Variants in CACNA1A observed in about 807,000 individuals in gnomAD.
The protein encoded by CACNA1A is voltage-dependent P/Q-type calcium channel subunit alpha-1A.
CACNA1A carries 57 observed loss-of-function variants against 262.4 expected under a neutral mutation model. That is an observed-to-expected ratio of 0.22 (90% CI 0.18 to 0.27). The LOEUF is 0.27. Among genes scored for constraint, CACNA1A ranks in the 10% least tolerant of loss-of-function variants. CACNA1A has a pLI of 1.00. For synonymous variants in CACNA1A, 1,431 were observed against 1,419.3 expected, an observed-to-expected ratio of 1.01 and a Z score of -0.18; for missense variants, 2,526 against 3,562.8, an observed-to-expected ratio of 0.71 and a Z score of 7.41.
At chr19:13,472,731 TG>T (rs950134483) in intron 1 of CACNA1A, among the ~76,000 whole-genome samples, 2 of 152,216 alleles carry the variant, frequency 1.3e-5, no homozygotes, top group African/African-American at 4.8e-5. Context: ...GCAAAGGGCC[TG>T]TAGTAGGTTA....
In CACNA1A at chr19:13,433,460, C is replaced by CAAAA. The variant is rs533297364; in HGVS notation, c.539+19412_539+19415dup. On this transcript the variant is annotated intron_variant, in intron 3 of 46. Coordinates refer to ENST00000360228, the MANE Select transcript of CACNA1A (RefSeq NM_001127222.2). ...TCGGCAACAAAGCAAGACGCTGTCT[C>CAAAA]AAAAAAAAAAAAAAAAAAAAAAAGT... Among the ~76,000 whole-genome samples, 66 of 76,204 alleles carry CAAAA rather than the reference C, an allele frequency of 8.7e-4. 4 individuals carry two copies. The highest frequency in any genetic ancestry group is 8.0e-3 in the East Asian group (18 of 2,248). 50.0% of individuals were successfully genotyped at this position (76,204 alleles called of 152,430 possible). A position where few individuals can be genotyped will look rare whatever the true frequency, so the allele number is the denominator to read the frequency against.
At position 13,262,737 on chromosome 19, in the gene CACNA1A, G is replaced by T; in HGVS notation, c.4086C>A (p.Leu1362=). 6.2e-7 allele frequency: 1 copy of T among 1,602,936 alleles called. No homozygotes were observed. Among genetic ancestry groups the T allele is most frequent in the Non-Finnish European group, 8.5e-7 (1 of 1,170,626 alleles). The change falls in exon 25 of 47, where the codon CTC becomes CTA. Residue 1362 remains leucine, a synonymous_variant. Transcript: ENST00000360228. ...CCCCACCATCTCCCAATCTCACCTT[G>T]AGCTTTGGCAGCCGCTTGATGGTTT... ...PLKTIKRLPK[L]KAVFDCVVNS... is the part of the protein sequence containing the mutation.
chr19:13,491,876 C>T (rs1245468532), intron 1 of CACNA1A, among the ~76,000 whole-genome samples: 1 of 152,136 alleles, frequency 6.6e-6, no homozygotes, highest in Non-Finnish European at 1.5e-5. Flanking sequence ...CAGAGGTACA[C>T]AGAGGCGCAC....
chr19:13,505,847 C>T lies in CACNA1A; in HGVS notation c.293+85G>A, dbSNP rs1568719468. 3 of 1,413,252 alleles carry T rather than the reference C, an allele frequency of 2.1e-6. No homozygotes were observed. The South Asian group carries it at 3.7e-5, about 18-fold the overall frequency. The allele number at this position is 1,413,252 out of a possible 1,614,324, so 87.5% of individuals were successfully genotyped here. On this transcript the variant is annotated intron_variant, in intron 1 of 46. Coordinates refer to ENST00000360228, the MANE Select transcript of CACNA1A (RefSeq NM_001127222.2). ...CTCCTCCCCACCTCCCATCAACCCCCGGGTCTCTCTCCCAGCCTGGAAGAG... is the reference window on the plus strand; with the variant it reads ...CTCCTCCCCACCTCCCATCAACCCCTGGGTCTCTCTCCCAGCCTGGAAGAG...
intron 10 of CACNA1A, among the ~76,000 whole-genome samples, chr19:13,318,339 T>C (rs550888044): frequency 6.6e-6 from 1 of 152,072 alleles, no homozygotes; most frequent in African/African-American, 2.4e-5. Context: ...AGGAAGTCAG[T>C]GTGGCTGGAG....
In CACNA1A at chr19:13,212,384, C is replaced by T. The variant is rs2054846596; in HGVS notation, c.6189G>A (p.Gln2063=). ...TTGGGGAGTTGGGGGACAGAGGCACCTGAGAGTTAGGCTGGCTGTTGGGCA... is the reference window on the plus strand; with the variant it reads ...TTGGGGAGTTGGGGGACAGAGGCACTTGAGAGTTAGGCTGGCTGTTGGGCA... The part of the protein sequence containing the change: ...TDMPNSQPNS[Q]SVEMREMGRD... The change falls in exon 42 of 47, where the codon CAG becomes CAA. Residue 2063 remains glutamine (Q), a splice_region_variant and synonymous_variant. Coordinates refer to ENST00000360228, the MANE Select transcript of CACNA1A (RefSeq NM_001127222.2). This position sits in a 1 kb window ranked among gnomAD's most constrained non-coding sequence, Gnocchi z 5.6. 6.2e-7 allele frequency: 1 copy of T among 1,613,526 alleles called. No individual in the cohort carries two copies. Among genetic ancestry groups the T allele is most frequent in the Admixed American group, 1.7e-5 (1 of 59,960 alleles).
intron 1 of CACNA1A, among the ~76,000 whole-genome samples, chr19:13,496,241 C>A (rs1055679664): frequency 6.6e-6 from 1 of 152,238 alleles, no homozygotes; most frequent in Non-Finnish European, 1.5e-5. Flanking sequence ...TCAAAGACAA[C>A]TCAAGTCTCT....
intron 2 of CACNA1A, among the ~76,000 whole-genome samples, chr19:13,454,582 G>C (rs1444070568): frequency 6.6e-6 from 1 of 152,084 alleles, no homozygotes; most frequent in Non-Finnish European, 1.5e-5. Context: ...ATGTTGGTCA[G>C]GATGGTCTCG....
intron 3 of CACNA1A, among the ~76,000 whole-genome samples, chr19:13,397,907 T>C (rs1159702248): frequency 6.6e-6 from 1 of 152,158 alleles, no homozygotes; most frequent in East Asian, 1.9e-4. Context: ...AGCTACAATA[T>C]GGAACAAGCC....
intron 4 of CACNA1A, among the ~76,000 whole-genome samples, chr19:13,367,943 G>T (rs1177249586): frequency 6.6e-6 from 1 of 152,030 alleles, no homozygotes; most frequent in East Asian, 1.9e-4. Flanking sequence ...AATCCTTTTG[G>T]GAGAGGAAGG....
intron 3 of CACNA1A, among the ~76,000 whole-genome samples, chr19:13,417,865 G>A (rs1599410260): frequency 1.4e-5 from 2 of 148,070 alleles, no homozygotes; most frequent in African/African-American, 5.0e-5. Context: ...ACTCCAGCCT[G>A]GGTGACAGAG....
intron 6 of CACNA1A, among the ~76,000 whole-genome samples, chr19:13,340,536 C>G (rs953490242): frequency 2.0e-5 from 3 of 151,058 alleles, no homozygotes; most frequent in African/African-American, 7.3e-5. Flanking sequence ...AAGCAATTCT[C>G]CTGCCTCACC....
At chr19:13,254,988 C>T in intron 29 of CACNA1A, 107 bp downstream of exon 29, 1 of 1,163,620 alleles carries the variant, frequency 8.6e-7, no homozygotes, top group East Asian at 2.4e-5. Flanking sequence ...AGAGGTGATC[C>T]AGAGTGTGGT....
rs1336770138 is a variant in CACNA1A, at chr19:13,289,369, A to G, written c.3090-2403T>C. On this transcript the variant is annotated intron_variant, in intron 19 of 46. Transcript: ENST00000360228. Reference sequence around the variant, plus strand: ...ACTATATTGCCCAGGCTGGTCTCAAACTCCTGGGATCAAGCGACCCTCTTG... The same window carrying G: ...ACTATATTGCCCAGGCTGGTCTCAAGCTCCTGGGATCAAGCGACCCTCTTG... Among the ~76,000 whole-genome samples the G allele has an allele frequency of 6.0e-5, 9 of 151,214 alleles. No individual in the cohort carries two copies. The East Asian group carries it at 1.7e-3, about 29-fold the overall frequency.
intron 18 of CACNA1A, 79 bp downstream of exon 18, chr19:13,300,471 A>T: frequency 1.0e-6 from 1 of 988,350 alleles, no homozygotes; most frequent in Non-Finnish European, 1.6e-6. Context: ...GACCACCCCC[A>T]CTGCTTCCCA....
rs11085843 is a variant in CACNA1A at position 13,330,557 on chromosome 19, G to T, written c.1256-224C>A. Among the ~76,000 whole-genome samples the T allele has an allele frequency of 0.21, 32,341 of 151,316 alleles. 3,865 individuals are homozygous for T. The highest frequency in any genetic ancestry group is 0.33 in the African/African-American group (13,511 of 41,104). On this transcript the variant is annotated intron_variant, in intron 9 of 46. Transcript: ENST00000360228. Reference sequence around the variant, plus strand: ...CAAGTCGGGTTCAGTCCGACTCCAGGTCTGGGCCCTCAGCCACTATTTTCC... The same window carrying T: ...CAAGTCGGGTTCAGTCCGACTCCAGTTCTGGGCCCTCAGCCACTATTTTCC...
chr19:13,358,446 T>C (rs1437972536), intron 6 of CACNA1A, among the ~76,000 whole-genome samples: 1 of 152,134 alleles, frequency 6.6e-6, no homozygotes, highest in Non-Finnish European at 1.5e-5. Flanking sequence ...GAAGAGACTG[T>C]CCATGTCCTG....
chr19:13,311,166 T>C (rs2058027381), intron 12 of CACNA1A, among the ~76,000 whole-genome samples: 1 of 152,228 alleles, frequency 6.6e-6, no homozygotes, highest in Non-Finnish European at 1.5e-5. Context: ...CATAGCTCAC[T>C]GCAGCCTCAA....
At chr19:13,417,957 T>C (rs1244413359) in intron 3 of CACNA1A, among the ~76,000 whole-genome samples, 1 of 149,274 alleles carries the variant, frequency 6.7e-6, no homozygotes, top group Non-Finnish European at 1.5e-5. Context: ...TGGCCAGCCC[T>C]GTCCCCTGTC....
Sources: gnomAD v4.1 joint callset for allele counts (sites outside exome capture counted in the v4.1 genomes callset) on GRCh38, gnomAD v4.1.1 for gene constraint, Gnocchi (gnomAD v3.1) non-coding constraint, MANE v1.5 for transcripts, NCBI Gene and HGNC (gene_info 2026-07-23, HGNC 2026-07-21) for gene names.